USP34: variants seen among roughly 807,000 people sequenced by gnomAD.
USP34 encodes ubiquitin carboxyl-terminal hydrolase 34.
USP34 carries 70 observed loss-of-function variants against 460.3 expected under a neutral mutation model. The ratio of observed to expected loss-of-function variants is 0.15; its 90% CI spans 0.13 to 0.19. The LOEUF is 0.19. Among genes scored for constraint, USP34 ranks in the 10% least tolerant of loss-of-function variants. USP34 has a pLI of 1.00. For missense variants in USP34, 3,985 were observed against 4,236.2 expected, an observed-to-expected ratio of 0.94 and a Z score of 1.65; for synonymous variants, 1,647 against 1,405.3, an observed-to-expected ratio of 1.17 and a Z score of -3.85.
intron 17 of USP34, 36 bp downstream of exon 17, chr2:61,339,530 A>G (rs1368061079): frequency 6.4e-7 from 1 of 1,563,048 alleles, no homozygotes. Flanking sequence ...ATCTTGCTGA[A>G]ATTTCTTACT....
intron 30 of USP34, among the ~76,000 whole-genome samples, chr2:61,295,623 G>A (rs1187025481): frequency 2.0e-5 from 3 of 152,174 alleles, no homozygotes; most frequent in Non-Finnish European, 2.9e-5. Context: ...TGAATTAAAT[G>A]TCTGTACTTA....
At chr2:61,445,321 G>C (rs187165449) in intron 1 of USP34, among the ~76,000 whole-genome samples, 1 of 150,674 alleles carries the variant, frequency 6.6e-6, no homozygotes, top group Non-Finnish European at 1.5e-5. Flanking sequence ...GGATCACAAG[G>C]TCAGGAGATC....
intron 57 of USP34, among the ~76,000 whole-genome samples, chr2:61,234,567 T>C (rs1175316471): frequency 2.6e-5 from 4 of 151,806 alleles, no homozygotes. Flanking sequence ...CATACAAAAG[T>C]AGTTAAGAGA....
At chr2:61,396,850 C>A (rs992952840) in intron 3 of USP34, among the ~76,000 whole-genome samples, 1 of 152,120 alleles carries the variant, frequency 6.6e-6, no homozygotes, top group East Asian at 1.9e-4. Context: ...GATGGAAATA[C>A]TCTAAAATTA....
chr2:61,451,730 A>T (rs887912373), intron 1 of USP34, among the ~76,000 whole-genome samples: 1 of 152,092 alleles, frequency 6.6e-6, no homozygotes, highest in Non-Finnish European at 1.5e-5. Context: ...TGGCATTTCA[A>T]ATCAATGGAA....
In USP34 at chr2:61,260,138, C is replaced by A. The variant is rs868306188; in HGVS notation, c.5779-362G>T. Among the ~76,000 whole-genome samples the A allele has an allele frequency of 6.2e-4, 95 of 152,308 alleles. 1 individual carries two copies. In the Middle Eastern group the frequency reaches 0.01, roughly 16 times the overall value. ...AGTAAACCTACACATTAAAAAAATA[C>A]ATTTGAAATATTAACCAATGACATC... On this transcript the variant is annotated intron_variant, in intron 43 of 79. Transcript: ENST00000398571.
intron 27 of USP34, among the ~76,000 whole-genome samples, chr2:61,302,775 T>C (rs1016269698): frequency 6.6e-6 from 1 of 152,208 alleles, no homozygotes; most frequent in African/African-American, 2.4e-5. Context: ...TCTATTATCC[T>C]TTTGAATTTT....
At chr2:61,262,626 G>T (rs1324280871) in intron 43 of USP34, among the ~76,000 whole-genome samples, 1 of 152,130 alleles carries the variant, frequency 6.6e-6, no homozygotes, top group Non-Finnish European at 1.5e-5. Flanking sequence ...TTGCTAGTGT[G>T]AACACTGCTG....
chr2:61,262,469 G>A (rs952119051), intron 43 of USP34, among the ~76,000 whole-genome samples: 29 of 152,262 alleles, frequency 1.9e-4, no homozygotes, highest in Admixed American at 3.9e-4. Context: ...GTTCACTTAG[G>A]ATAATGGCCT....
chr2:61,248,521 C>T lies in USP34; in HGVS notation c.6384G>A (p.Glu2128=), dbSNP rs779466659. ...YTEDFLMGKS[E]RKEGFKEVSD... is the part of the protein sequence containing the mutation. ...AAATGAAAAAATCACCTTCTTTCCTCTCACTCTTTCCCATAAGAAAATCTT... is the reference window on the plus strand; with the variant it reads ...AAATGAAAAAATCACCTTCTTTCCTTTCACTCTTTCCCATAAGAAAATCTT... Residue 2128 remains glutamate (E), a synonymous_variant, in exon 49 of 80, where the codon GAG becomes GAA. Coordinates refer to ENST00000398571, the MANE Select transcript of USP34 (RefSeq NM_014709.4). 1.1e-5 allele frequency: 17 copies of T among 1,558,962 alleles called. No individual in the cohort carries two copies. Among genetic ancestry groups the T allele is most frequent in the Non-Finnish European group, 1.5e-5 (17 of 1,148,296 alleles).
At chr2:61,276,394 A>G (rs1689373309) in intron 41 of USP34, among the ~76,000 whole-genome samples, 1 of 152,152 alleles carries the variant, frequency 6.6e-6, no homozygotes. Flanking sequence ...TTAAAAATAC[A>G]TTTTCTTTTT....
Position 61,248,685 on chromosome 2 carries a change from TGA to T in USP34, c.6222-4_6222-3del, listed in dbSNP as rs1191062806. On this transcript the variant is annotated splice_region_variant and splice_polypyrimidine_tract_variant and intron_variant, in intron 48 of 79. Transcript: ENST00000398571. The stretch of plus-strand genomic sequence containing the variant: ...CGAGGCAATTTCTTAAAACATGCCC[TGA>T]GAGACAAGAAAAAAATTAATAAAGA... The T allele has an allele frequency of 6.5e-7, 1 of 1,546,610 alleles. No individual in the cohort carries two copies. Among genetic ancestry groups the T allele is most frequent in the South Asian group, 1.2e-5 (1 of 81,812 alleles).
intron 41 of USP34, among the ~76,000 whole-genome samples, chr2:61,270,056 C>T (rs1226207962): frequency 6.6e-6 from 1 of 152,216 alleles, no homozygotes; most frequent in Non-Finnish European, 1.5e-5. Flanking sequence ...CTCTCTTCAT[C>T]CCATCCCTTC....
chr2:61,232,514 C>G lies in USP34; in HGVS notation c.7051G>C (p.Ala2351Pro). 6.2e-7 allele frequency: 1 copy of G among 1,607,890 alleles called. No homozygotes were observed. ...TGCATTGGCCACCAGTCGTCATCAG[C>G]CATACGATCTAAAAACCACTGTTAA... is the stretch of plus-strand genomic sequence containing the variant. ...AACEWFLDRMADDDWWPMQIL... is the reference protein window; with the variant it reads ...AACEWFLDRMPDDDWWPMQIL... Residue 2351 changes from alanine (A) to proline (P), a missense_variant, in exon 58 of 80, where the codon GCT (alanine) becomes CCT (proline). Ala to Pro is a conservative substitution (Grantham distance 27). Coordinates refer to ENST00000398571, the MANE Select transcript of USP34 (RefSeq NM_014709.4).
At chr2:61,449,698 G>A (rs891215373) in intron 1 of USP34, among the ~76,000 whole-genome samples, 2 of 152,118 alleles carry the variant, frequency 1.3e-5, no homozygotes, top group Non-Finnish European at 2.9e-5. Context: ...AAACAAGGAT[G>A]CCAAGACCAT....
intron 1 of USP34, among the ~76,000 whole-genome samples, chr2:61,451,048 T>C (rs893401023): frequency 2.7e-5 from 4 of 150,624 alleles, no homozygotes; most frequent in African/African-American, 4.9e-5. Context: ...TGAAACCCCA[T>C]CTCTACTAAA....
chr2:61,274,600 C>G (rs1297669448), intron 41 of USP34, among the ~76,000 whole-genome samples: 5 of 152,152 alleles, frequency 3.3e-5, no homozygotes, highest in Non-Finnish European at 5.9e-5. Flanking sequence ...CTTTCAAACA[C>G]TTGAAGGGAA....
chr2:61,334,421 T>C lies in USP34; in HGVS notation c.2745-450A>G, dbSNP rs530275713. Among the ~76,000 whole-genome samples the C allele has an allele frequency of 3.9e-5, 6 of 152,164 alleles. No homozygotes were observed. The South Asian group carries it at 1.2e-3, about 32-fold the overall frequency. On this transcript the variant is annotated intron_variant, in intron 18 of 79. Transcript: ENST00000398571. ...AAGGAAATTACTTTAAAACTTCAAG[T>C]AGATCTGAGTCTGCCTATCCTCTGA...
At chr2:61,257,898 A>C (rs1688763474) in intron 44 of USP34, among the ~76,000 whole-genome samples, 1 of 152,226 alleles carries the variant, frequency 6.6e-6, no homozygotes, top group Non-Finnish European at 1.5e-5. Context: ...AAACAAACAA[A>C]AAAAACACTC....
Sources: gnomAD v4.1 joint callset for allele counts (sites outside exome capture counted in the v4.1 genomes callset) on GRCh38, gnomAD v4.1.1 for gene constraint, MANE v1.5 for transcripts, NCBI Gene and HGNC (gene_info 2026-07-23, HGNC 2026-07-21) for gene names.